SPNS2: variants seen among roughly 807,000 people sequenced by gnomAD.
The protein encoded by SPNS2 is sphingosine-1-phosphate transporter SPNS2.
Under a neutral mutation model 57.6 loss-of-function variants are expected in SPNS2, and 37 were observed. The observed-to-expected ratio is 0.64, with a 90% confidence interval of 0.49 to 0.85. The LOEUF (loss-of-function observed/expected upper bound fraction) is 0.85, where lower values mean the gene tolerates loss of function less well. SPNS2 is among the 40% of genes least tolerant of loss of function. The probability of loss-of-function intolerance (pLI) is 0.00; values close to 1 mark genes in which losing one functional copy is unlikely to be tolerated. For missense variants in SPNS2, 831 were observed against 779.1 expected, an observed-to-expected ratio of 1.07 and a Z score of -0.79; for synonymous variants, 440 against 346.9, an observed-to-expected ratio of 1.27 and a Z score of -2.98.
intron 2 of SPNS2, among the ~76,000 whole-genome samples, chr17:4,517,423 T>C (rs889594814): frequency 2.0e-4 from 31 of 152,264 alleles, no homozygotes; most frequent in African/African-American, 7.5e-4. Flanking sequence ...TTTGGGAGGC[T>C]GAGGCGGGTG....
Position 4,499,625 on chromosome 17 carries a change from A to G in SPNS2, c.370+208A>G. On this transcript the variant is annotated intron_variant, in intron 1 of 12. Coordinates refer to ENST00000329078, the MANE Select transcript of SPNS2 (RefSeq NM_001124758.3). This position sits in a 1 kb window ranked among gnomAD's most constrained non-coding sequence, Gnocchi z 5.2. ...ACAATCCAGCTCCCCGCTCATACAC[A>G]CCCGGGGCCAAGGGATAGAGGAGTC... The G allele has an allele frequency of 2.5e-6, 1 of 395,422 alleles. No individual in the cohort carries two copies. The highest frequency in any genetic ancestry group is 4.5e-6 in the Non-Finnish European group (1 of 224,042). The allele number at this position is 395,422 out of a possible 1,614,324, so 24.5% of individuals were successfully genotyped here.
At chr17:4,524,880 G>A (rs1683583901) in intron 2 of SPNS2, among the ~76,000 whole-genome samples, 177 bp from the exon 3 acceptor site, 1 of 152,212 alleles carries the variant, frequency 6.6e-6, no homozygotes, top group South Asian at 2.1e-4. Flanking sequence ...GGACCTGCCT[G>A]ACCTCGTAAG....
intron 5 of SPNS2, 57 bp downstream of exon 5, chr17:4,531,176 G>T: frequency 1.9e-6 from 3 of 1,563,556 alleles, no homozygotes; most frequent in Admixed American, 1.7e-5. Context: ...TCGCCCCAGG[G>T]TTGCCCAGAG....
intron 9 of SPNS2, among the ~76,000 whole-genome samples, chr17:4,535,071 C>A (rs940002969): frequency 7.2e-6 from 1 of 138,540 alleles, no homozygotes; most frequent in Non-Finnish European, 1.6e-5. Context: ...GCACACAATG[C>A]CCACTAAGGC....
chr17:4,506,254 G>A lies in SPNS2; in HGVS notation c.370+6837G>A, dbSNP rs534395529. ...CGCCTTGGCTACTGAAGTAGCACGTGGGGAGAAGGCTGAGGGTTTGTGGGC... is the reference window on the plus strand; with the variant it reads ...CGCCTTGGCTACTGAAGTAGCACGTAGGGAGAAGGCTGAGGGTTTGTGGGC... On this transcript the variant is annotated intron_variant, in intron 1 of 12. Transcript: ENST00000329078. 2.8e-4 allele frequency among the ~76,000 whole-genome samples: 42 copies of A among 152,302 alleles called. 1 individual carries two copies. In the South Asian group the frequency reaches 8.7e-3, roughly 32 times the overall value.
At position 4,532,643 on chromosome 17, in the gene SPNS2, C is replaced by T. The variant is rs773254567; in HGVS notation, c.894C>T (p.Ala298=). The T allele has an allele frequency of 6.2e-7, 1 of 1,613,954 alleles. No homozygotes were observed. The highest frequency in any genetic ancestry group is 1.3e-5 in the African/African-American group (1 of 74,916). ...ACCAGCTCGGGGACCAGCTCAAGGCCCGGACCTCATGGCTCCGAGATATGA... is the reference window on the plus strand; with the variant it reads ...ACCAGCTCGGGGACCAGCTCAAGGCTCGGACCTCATGGCTCCGAGATATGA... ...HADQLGDQLK[A]RTSWLRDMKA... The change falls in exon 6 of 13, where the codon GCC becomes GCT. Residue 298 remains alanine (A), a synonymous_variant. Transcript: ENST00000329078.
chr17:4,525,971 C>T (rs1262093379), intron 3 of SPNS2, among the ~76,000 whole-genome samples: 2 of 152,118 alleles, frequency 1.3e-5, no homozygotes, highest in Admixed American at 6.5e-5. Flanking sequence ...AATCACATGC[C>T]GGCTGCTATA....
chr17:4,533,197 C>A, intron 7 of SPNS2, 46 bp from the exon 8 acceptor site: 1 of 1,580,576 alleles, frequency 6.3e-7, no homozygotes, highest in Non-Finnish European at 8.6e-7. Flanking sequence ...TCAGCCTTAG[C>A]CCTGAGCCGC....
rs1904407988 is a variant in SPNS2 at position 4,499,708 on chromosome 17, C to T, written c.370+291C>T. 3.4e-6 allele frequency: 1 copy of T among 293,620 alleles called. No homozygotes were observed. The allele number at this position is 293,620 out of a possible 1,614,324, so 18.2% of individuals were successfully genotyped here. On this transcript the variant is annotated intron_variant, in intron 1 of 12. Coordinates refer to ENST00000329078, the MANE Select transcript of SPNS2 (RefSeq NM_001124758.3). This position sits in a 1 kb window ranked among gnomAD's most constrained non-coding sequence, Gnocchi z 5.2. Reference sequence around the variant, plus strand: ...AGCCCTTGACGGCCCATCCGTTGTCCTCCTCTCCAAGAGTCTCCTCTGCGT... The same window carrying T: ...AGCCCTTGACGGCCCATCCGTTGTCTTCCTCTCCAAGAGTCTCCTCTGCGT...
At chr17:4,531,603 C>G (rs1470186375) in intron 5 of SPNS2, among the ~76,000 whole-genome samples, 1 of 152,092 alleles carries the variant, frequency 6.6e-6, no homozygotes, top group East Asian at 1.9e-4. Flanking sequence ...GATCCCTCGT[C>G]TCTCGGAGGA....
chr17:4,537,650 G>C lies in SPNS2; in HGVS notation c.*202G>C, dbSNP rs908631280. ...TCAGTTACCCTGGAAGGATGTGTGT[G>C]TTGGAGCCACACGGTTGGACAGGTT... On this transcript the variant is annotated 3_prime_UTR_variant, in exon 13 of 13. Transcript: ENST00000329078. The C allele has an allele frequency of 5.0e-5, 23 of 456,676 alleles. No individual in the cohort carries two copies. Among genetic ancestry groups the C allele is most frequent in the African/African-American group, 4.6e-4 (23 of 50,100 alleles). 28.3% of individuals were successfully genotyped at this position (456,676 alleles called of 1,614,324 possible). A position where few individuals can be genotyped will look rare whatever the true frequency, so the allele number is the denominator to read the frequency against.
intron 11 of SPNS2, 37 bp downstream of exon 11, chr17:4,536,463 G>GGGAAGCAGGGACC (rs1597372204): frequency 1.9e-6 from 3 of 1,574,756 alleles, no homozygotes; most frequent in Non-Finnish European, 1.7e-6. Context: ...CTGCACCGCC[G>GGGAAGCAGGGACC]GGAAGCAGGG....
At chr17:4,513,463 C>G in intron 2 of SPNS2, 151 bp downstream of exon 2, 1 of 750,818 alleles carries the variant, frequency 1.3e-6, no homozygotes, top group Non-Finnish European at 2.2e-6. Flanking sequence ...ACTATTGCCA[C>G]CTGCCAATGG....
At position 4,533,064 on chromosome 17, in the gene SPNS2, C is replaced by T. The variant is rs372939841; in HGVS notation, c.1023C>T (p.His341=). 59 of 1,613,242 alleles carry T rather than the reference C, an allele frequency of 3.7e-5. No individual in the cohort carries two copies. Among genetic ancestry groups the T allele is most frequent in the Non-Finnish European group, 4.5e-5 (53 of 1,179,968 alleles). The change falls in exon 7 of 13, where the codon CAC becomes CAT. Residue 341 remains histidine (H), a synonymous_variant. Coordinates refer to ENST00000329078, the MANE Select transcript of SPNS2 (RefSeq NM_001124758.3). ...GCATGTGGATCCCGCTCTACCTGCA[C>T]CGCGCCCAAGTTGTGCAGAAGACAG... ...ALGMWIPLYL[H]RAQVVQKTAE...
At chr17:4,532,947 G>C (rs775178667) in intron 6 of SPNS2, 30 bp from the exon 7 acceptor site, 2 of 1,596,446 alleles carry the variant, frequency 1.3e-6, no homozygotes, top group Non-Finnish European at 1.7e-6. Context: ...AGGTCCCTGA[G>C]CTCAGTGTCA....
At chr17:4,500,870 C>T (rs1904482138) in intron 1 of SPNS2, among the ~76,000 whole-genome samples, 1 of 151,948 alleles carries the variant, frequency 6.6e-6, no homozygotes, top group African/African-American at 2.4e-5. Context: ...GAAGTGGGTA[C>T]CAGTGGCATC....
chr17:4,509,619 G>A (rs954803445), intron 1 of SPNS2, among the ~76,000 whole-genome samples: 1 of 152,256 alleles, frequency 6.6e-6, no homozygotes, highest in African/African-American at 2.4e-5. Context: ...GCCAAGGACT[G>A]ACCCAGCGCA....
rs73972613 is a variant in SPNS2 at position 4,533,977 on chromosome 17, G to A, written c.1344+124G>A. The A allele has an allele frequency of 6.1e-4, 574 of 939,684 alleles. 1 individual carries two copies. In the African/African-American group the frequency reaches 8.4e-3, roughly 14 times the overall value. 58.2% of individuals were successfully genotyped at this position (939,684 alleles called of 1,614,324 possible). A position where few individuals can be genotyped will look rare whatever the true frequency, so the allele number is the denominator to read the frequency against. ...GTAGGAAGGCAGGCCTGCCAGGAAC[G>A]TGAACCCAGAGGCAGGGAGGGGATC... On this transcript the variant is annotated intron_variant, in intron 9 of 12. Transcript: ENST00000329078.
At chr17:4,530,873 C>T in intron 4 of SPNS2, 90 bp downstream of exon 4, 3 of 1,526,960 alleles carry the variant, frequency 2.0e-6, no homozygotes, top group Non-Finnish European at 2.7e-6. Flanking sequence ...GGTTCTAGCC[C>T]AGGCAGGCGT....
Sources: allele counts gnomAD v4.1 joint callset (sites outside exome capture counted in the v4.1 genomes callset), GRCh38; gene constraint gnomAD v4.1.1; non-coding constraint Gnocchi (gnomAD v3.1); transcripts MANE v1.5; gene names NCBI Gene and HGNC (gene_info 2026-07-23, HGNC 2026-07-21).